Variants in DNAH8 observed in about 807,000 individuals in gnomAD.
DNAH8 encodes axonemal beta dynein heavy chain 8.
In DNAH8, 382 loss-of-function variants were observed where a neutral mutation model predicts 562.1. The ratio of observed to expected loss-of-function variants is 0.68; its 90% CI spans 0.63 to 0.74. The LOEUF is 0.74. Among genes scored for constraint, DNAH8 ranks in the 30% least tolerant of loss-of-function variants. The probability of loss-of-function intolerance (pLI) is 0.00; values close to 1 mark genes in which losing one functional copy is unlikely to be tolerated. For missense variants in DNAH8, 5,203 were observed against 5,620.4 expected, an observed-to-expected ratio of 0.93 and a Z score of 2.37; for synonymous variants, 1,881 against 1,919.4, an observed-to-expected ratio of 0.98 and a Z score of 0.52.
At chr6:38,994,339 T>A (rs1388313421) in intron 88 of DNAH8, among the ~76,000 whole-genome samples, 1 of 152,200 alleles carries the variant, frequency 6.6e-6, no homozygotes, top group African/African-American at 2.4e-5. Flanking sequence ...GCTTGTGATT[T>A]TCCCCCATTG....
chr6:39,010,565 A>C (rs1766122195), intron 89 of DNAH8, among the ~76,000 whole-genome samples: 3 of 152,210 alleles, frequency 2.0e-5, no homozygotes, highest in Non-Finnish European at 1.5e-5. Context: ...TTAAAACCCT[A>C]AGCAGGACAA....
At chr6:38,776,310 C>T (rs866651832) in intron 13 of DNAH8, among the ~76,000 whole-genome samples, 1 of 151,762 alleles carries the variant, frequency 6.6e-6, no homozygotes, top group Non-Finnish European at 1.5e-5. Context: ...CTCCACCTCC[C>T]GAGTTCAAGT....
intron 80 of DNAH8, 136 bp downstream of exon 80, chr6:38,945,724 G>C: frequency 8.6e-7 from 1 of 1,157,052 alleles, no homozygotes; most frequent in Non-Finnish European, 1.2e-6. Context: ...GAGGCTCTGT[G>C]GCTGTCTGGG....
intron 89 of DNAH8, among the ~76,000 whole-genome samples, chr6:39,009,790 ATT>A (rs1766065258): frequency 6.6e-6 from 1 of 152,164 alleles, no homozygotes; most frequent in Non-Finnish European, 1.5e-5. Context: ...TAAAATAATT[ATT>A]GTTTCCATTG....
At chr6:38,934,689 A>G (rs957374465) in intron 76 of DNAH8, among the ~76,000 whole-genome samples, 1 of 152,216 alleles carries the variant, frequency 6.6e-6, no homozygotes, top group African/African-American at 2.4e-5. Flanking sequence ...TGATACTGAC[A>G]CATCAGTATC....
chr6:38,999,578 T>C (rs1037321856), intron 88 of DNAH8, among the ~76,000 whole-genome samples: 9 of 152,032 alleles, frequency 5.9e-5, no homozygotes, highest in Non-Finnish European at 1.3e-4. Context: ...TCCTGTGTTT[T>C]GAGGACTATT....
At chr6:38,845,484 T>C (rs1225368976) in intron 35 of DNAH8, 90 bp from the exon 36 acceptor site, 4 of 1,043,702 alleles carry the variant, frequency 3.8e-6, no homozygotes, top group Non-Finnish European at 5.7e-6. Flanking sequence ...TACAGGTCCC[T>C]TTCAAGCAAA....
intron 26 of DNAH8, among the ~76,000 whole-genome samples, chr6:38,818,852 G>C (rs971071756): frequency 1.3e-5 from 2 of 152,144 alleles, no homozygotes; most frequent in Non-Finnish European, 2.9e-5. Flanking sequence ...CATTGCTCTG[G>C]GTCAGCTGAG....
intron 37 of DNAH8, 82 bp downstream of exon 37, chr6:38,848,883 A>C: frequency 7.2e-7 from 1 of 1,394,770 alleles, no homozygotes; most frequent in East Asian, 2.3e-5. Flanking sequence ...TCACAAAGAC[A>C]TATGGTCAAG....
In DNAH8 at chr6:38,723,193, G is replaced by C. The variant is rs116164504; in HGVS notation, c.384G>C (p.Glu128Asp). 728 of 1,606,388 alleles carry C rather than the reference G, an allele frequency of 4.5e-4. 1 individual carries two copies. Among genetic ancestry groups the C allele is most frequent in the Non-Finnish European group, 6.0e-4 (702 of 1,177,378 alleles). ...CCAATCTACAGGAAACATTAAAAGA[G>C]AGACAGGTTTGCTTCTAATACGATT... ...GLPNLQETLK[E>D]RQARFREARE... Residue 128 changes from glutamate (E) to aspartate (D), a missense_variant, in exon 2 of 93, where the codon GAG becomes GAC. Physicochemically the swap from Glu to Asp is conservative, Grantham distance 45. Coordinates refer to ENST00000327475, the MANE Select transcript of DNAH8 (RefSeq NM_001206927.2).
rs529605137 is a variant in DNAH8 at position 39,004,929 on chromosome 6, T to C, written c.13215-3885T>C. Among the ~76,000 whole-genome samples, 14 of 152,340 alleles carry C rather than the reference T, an allele frequency of 9.2e-5. No homozygotes were observed. In the South Asian group the frequency reaches 1.2e-3, roughly 14 times the overall value. ...TTTTGTTTATGCATTTACCAGCTGA[T>C]GAATAGTTGGGCATGTTCTACTTTG... On this transcript the variant is annotated intron_variant, in intron 88 of 92. Coordinates refer to ENST00000327475, the MANE Select transcript of DNAH8 (RefSeq NM_001206927.2).
intron 60 of DNAH8, among the ~76,000 whole-genome samples, chr6:38,896,797 T>C (rs1212539064): frequency 1.3e-5 from 2 of 152,152 alleles, no homozygotes; most frequent in African/African-American, 4.8e-5. Context: ...ATTTATTTAT[T>C]TATTTTGAGA....
At position 38,957,866 on chromosome 6, in the gene DNAH8, CAAAA is replaced by C. The variant is rs1209427701; in HGVS notation, c.12451+6364_12451+6367del. 5.3e-5 allele frequency among the ~76,000 whole-genome samples: 4 copies of C among 75,888 alleles called. No individual in the cohort carries two copies. In the South Asian group the frequency reaches 1.5e-3, roughly 29 times the overall value. 49.8% of individuals were successfully genotyped at this position (75,888 alleles called of 152,430 possible). A position where few individuals can be genotyped will look rare whatever the true frequency, so the allele number is the denominator to read the frequency against. On this transcript the variant is annotated intron_variant, in intron 82 of 92. Coordinates refer to ENST00000327475, the MANE Select transcript of DNAH8 (RefSeq NM_001206927.2). Reference sequence around the variant, plus strand: ...AGTTTAGAGCAATAAATGCCTACACCAAAAAAAAAAAAAAAAAAAAACAAGATCA... The same window carrying C: ...AGTTTAGAGCAATAAATGCCTACACCAAAAAAAAAAAAAAAAACAAGATCA...
At chr6:38,791,732 G>C in intron 21 of DNAH8, 58 bp downstream of exon 21, 1 of 1,559,444 alleles carries the variant, frequency 6.4e-7, no homozygotes, top group Non-Finnish European at 8.7e-7. Context: ...AACCTAAAAT[G>C]TGAAATTTCA....
chr6:38,957,998 C>T (rs768204411), intron 82 of DNAH8, among the ~76,000 whole-genome samples: 12 of 150,094 alleles, frequency 8.0e-5, no homozygotes, highest in Admixed American at 4.0e-4. Context: ...GAAATAAATA[C>T]AATAGTGTTT....
chr6:38,879,393 C>T (rs1051163718), intron 53 of DNAH8, among the ~76,000 whole-genome samples: 1 of 152,100 alleles, frequency 6.6e-6, no homozygotes, highest in Admixed American at 6.6e-5. Flanking sequence ...ATACAAAAGT[C>T]CAACTGTGGC....
intron 11 of DNAH8, among the ~76,000 whole-genome samples, chr6:38,767,240 C>T (rs1204616261): frequency 6.6e-6 from 1 of 152,122 alleles, no homozygotes; most frequent in Non-Finnish European, 1.5e-5. Context: ...AGTTCAAGAC[C>T]AGCCTGGCCA....
intron 57 of DNAH8, among the ~76,000 whole-genome samples, chr6:38,890,407 C>T (rs1274503001): frequency 6.6e-6 from 1 of 152,118 alleles, no homozygotes; most frequent in African/African-American, 2.4e-5. Context: ...ATAATACCTA[C>T]CTTGTATTTT....
At chr6:39,014,301 T>G (rs1766422918) in intron 91 of DNAH8, among the ~76,000 whole-genome samples, 1 of 152,186 alleles carries the variant, frequency 6.6e-6, no homozygotes, top group Non-Finnish European at 1.5e-5. Flanking sequence ...TTATTATGGG[T>G]CTCAGATTTT....
Sources: gnomAD v4.1 joint callset for allele counts (sites outside exome capture counted in the v4.1 genomes callset) on GRCh38, gnomAD v4.1.1 for gene constraint, MANE v1.5 for transcripts, NCBI Gene and HGNC (gene_info 2026-07-23, HGNC 2026-07-21) for gene names.